Variants in IQCK observed in about 807,000 individuals in gnomAD.
IQCK encodes the protein IQ domain-containing protein K.
In IQCK, 29 loss-of-function variants were observed where a neutral mutation model predicts 28.1. That is an observed-to-expected ratio of 1.03 (90% CI 0.77 to 1.41). The LOEUF is 1.41. Ranked by LOEUF, IQCK falls within the 40% of genes most tolerant of loss-of-function variation. IQCK has a pLI of 0.00. For missense variants in IQCK, 359 were observed against 314.7 expected (o/e 1.14, Z -1.07); for synonymous variants, 113 against 115.1 (o/e 0.98, Z 0.12).
chr16:19,738,438 A>G (rs1238765877), intron 4 of IQCK, among the ~76,000 whole-genome samples: 2 of 152,204 alleles, frequency 1.3e-5, no homozygotes, highest in African/African-American at 4.8e-5. Flanking sequence ...TAATTATGCA[A>G]ATAATTAGTA....
At chr16:19,770,613 G>A (rs78152472) in intron 6 of IQCK, among the ~76,000 whole-genome samples, 3,420 of 131,080 alleles carry the variant, frequency 0.026, 56 homozygotes, top group Non-Finnish European at 0.037. Context: ...ATATCTCTCT[G>A]ACTGTTTCTC....
chr16:19,856,279 T>C (rs2056560042), intron 9 of IQCK, among the ~76,000 whole-genome samples: 1 of 152,212 alleles, frequency 6.6e-6, no homozygotes, highest in Non-Finnish European at 1.5e-5. Flanking sequence ...GTCCGGGAAG[T>C]GGTTTTGAAC....
intron 6 of IQCK, among the ~76,000 whole-genome samples, chr16:19,786,121 A>G (rs1468335992): frequency 6.6e-6 from 1 of 152,146 alleles, no homozygotes; most frequent in Non-Finnish European, 1.5e-5. Context: ...GGTCTCCTTA[A>G]AAACACCAAG....
chr16:19,733,422 A>C (rs928399831), intron 2 of IQCK, among the ~76,000 whole-genome samples: 1 of 152,046 alleles, frequency 6.6e-6, no homozygotes, highest in Non-Finnish European at 1.5e-5. Context: ...TACAGGCGTG[A>C]GTTTCTTGCT....
chr16:19,832,527 G>A (rs1276697584), intron 9 of IQCK, among the ~76,000 whole-genome samples: 1 of 151,822 alleles, frequency 6.6e-6, no homozygotes, highest in East Asian at 1.9e-4. Context: ...GGTAATTAAG[G>A]AATAATTAAG....
intron 4 of IQCK, 107 bp downstream of exon 4, chr16:19,735,557 C>G (rs1009637105): frequency 1.1e-6 from 1 of 912,574 alleles, no homozygotes; most frequent in Non-Finnish European, 1.8e-6. Context: ...CAGATGACCC[C>G]TTCGGGAGGG....
At chr16:19,730,615 C>A in intron 2 of IQCK, 121 bp downstream of exon 2, 1 of 666,696 alleles carries the variant, frequency 1.5e-6, no homozygotes. Flanking sequence ...GGCACTGGAG[C>A]GAGAACCAGA....
At chr16:19,736,176 G>T (rs1379139744) in intron 4 of IQCK, 1 of 448,926 alleles carries the variant, frequency 2.2e-6, no homozygotes, top group African/African-American at 2.3e-5. Flanking sequence ...ACTGCTCGCA[G>T]AGAGTCTTGG....
At chr16:19,800,976 C>A (rs748555130) in intron 7 of IQCK, among the ~76,000 whole-genome samples, 8 of 120,450 alleles carry the variant, frequency 6.6e-5, no homozygotes, top group Non-Finnish European at 1.2e-4. Flanking sequence ...TTTTTCTGAG[C>A]CTTTTTAGGA....
chr16:19,852,233 CT>C (rs1372825821), intron 9 of IQCK, among the ~76,000 whole-genome samples: 1 of 151,916 alleles, frequency 6.6e-6, no homozygotes, highest in African/African-American at 2.4e-5. Context: ...TTCTTTTTAC[CT>C]TTTGGGGGGT....
rs201785370 is a variant in IQCK, at chr16:19,753,262, A to C, written c.475-10586A>C. ...CCTATCTCTACAAAAAAAAAAAAAA[A>C]TTTTTGAAAATTACCTGAGCATTAC... On this transcript the variant is annotated intron_variant, in intron 4 of 7. Transcript: ENST00000564186. 2.7e-3 allele frequency among the ~76,000 whole-genome samples: 411 copies of C among 150,536 alleles called. 3 individuals carry two copies. The East Asian group carries it at 0.03, about 11-fold the overall frequency.
downstream of IQCK, among the ~76,000 whole-genome samples, chr16:19,828,235 T>C (rs1597594822): frequency 1.8e-5 from 2 of 112,818 alleles, no homozygotes; most frequent in Non-Finnish European, 3.6e-5. Flanking sequence ...TCTTTTCTTT[T>C]TTTTTTTTTT....
intron 6 of IQCK, among the ~76,000 whole-genome samples, chr16:19,786,184 A>C (rs1391719090): frequency 2.0e-5 from 3 of 152,180 alleles, no homozygotes; most frequent in African/African-American, 7.2e-5. Context: ...TACTTCAGGG[A>C]TGTGATTTGT....
chr16:19,770,738 T>A (rs760023859), intron 6 of IQCK, among the ~76,000 whole-genome samples: 1 of 152,178 alleles, frequency 6.6e-6, no homozygotes, highest in African/African-American at 2.4e-5. Context: ...TTCTTCTGCC[T>A]AACCCTCCCA....
chr16:19,752,586 T>C (rs2055001040), intron 4 of IQCK, among the ~76,000 whole-genome samples: 1 of 152,172 alleles, frequency 6.6e-6, no homozygotes, highest in African/African-American at 2.4e-5. Flanking sequence ...ATTTATTTTT[T>C]GAGATAGGGT....
At chr16:19,767,982 C>T (rs559684820) in intron 6 of IQCK, among the ~76,000 whole-genome samples, 1 of 149,916 alleles carries the variant, frequency 6.7e-6, no homozygotes, top group East Asian at 2.0e-4. Context: ...AAATCATAAT[C>T]TTCAGGTATA....
chr16:19,811,985 AT>A (rs11290117), intron 7 of IQCK, among the ~76,000 whole-genome samples: 12,757 of 131,036 alleles, frequency 0.097, 839 homozygotes, highest in African/African-American at 0.25. Context: ...AATAGCCTTA[AT>A]TTTTTTTTTT....
rs774333552 is a variant in IQCK, at chr16:19,730,420, T to A, written c.182-10T>A. On this transcript the variant is annotated splice_polypyrimidine_tract_variant and intron_variant, in intron 1 of 7. Coordinates refer to ENST00000564186, the Ensembl canonical transcript of IQCK. ...TATGGAATTGAGGATTTTTTTTCCCTTCCCTTTAGAGTATGAAGCTGAGCA... is the reference window on the plus strand; with the variant it reads ...TATGGAATTGAGGATTTTTTTTCCCATCCCTTTAGAGTATGAAGCTGAGCA... 1 of 1,585,196 alleles carries A rather than the reference T, an allele frequency of 6.3e-7. No homozygotes were observed. The highest frequency in any genetic ancestry group is 1.2e-5 in the South Asian group (1 of 85,670).
chr16:19,835,189 C>CCAGG (rs2056279051), intron 9 of IQCK, among the ~76,000 whole-genome samples: 1 of 151,978 alleles, frequency 6.6e-6, no homozygotes, highest in Non-Finnish European at 1.5e-5. Context: ...ATTGTGTGAA[C>CCAGG]CAGGAGGTGG....
Sources: allele counts gnomAD v4.1 joint callset (sites outside exome capture counted in the v4.1 genomes callset), GRCh38; gene constraint gnomAD v4.1.1; transcripts MANE v1.5; gene names NCBI Gene and HGNC (gene_info 2026-07-23, HGNC 2026-07-21).